The following TUBGCP6 variants were observed in gnomAD, a reference collection of about 807,000 sequenced individuals.
TUBGCP6 encodes the protein tubulin gamma complex component 6, also known as gamma-tubulin complex component 6.
A neutral mutation model predicts 175.8 loss-of-function variants in TUBGCP6; 161 were observed. The ratio of observed to expected loss-of-function variants is 0.92; its 90% CI spans 0.81 to 1.04. TUBGCP6 has a LOEUF of 1.04. TUBGCP6 is among the 50% of genes least tolerant of loss of function. TUBGCP6 has a pLI of 0.00. For missense variants in TUBGCP6, 2,572 were observed against 2,433.0 expected (o/e 1.06, Z -1.20); for synonymous variants, 1,173 against 1,030.5 (o/e 1.14, Z -2.65).
At chr22:50,242,699 C>T (rs2064855137) in intron 1 of TUBGCP6, among the ~76,000 whole-genome samples, 1 of 152,224 alleles carries the variant, frequency 6.6e-6, no homozygotes, top group Non-Finnish European at 1.5e-5. Context: ...ACAGCAAAAA[C>T]ATATCCAATT....
At chr22:50,238,155 G>GAGAC (rs879569180) in intron 2 of TUBGCP6, among the ~76,000 whole-genome samples, 2 of 149,728 alleles carry the variant, frequency 1.3e-5, no homozygotes, top group African/African-American at 5.0e-5. Flanking sequence ...GAGAGAGAGA[G>GAGAC]AGACAGACAG....
chr22:50,220,708 A>T lies in TUBGCP6; in HGVS notation c.3651T>A (p.His1217Gln), dbSNP rs148914897. The T allele has an allele frequency of 6.3e-7, 1 of 1,592,818 alleles. No individual in the cohort carries two copies. The highest frequency in any genetic ancestry group is 2.3e-5 in the East Asian group (1 of 43,752). ...CAACCCTGATGCTGGTGTCAGACAC[A>T]TGTCCGTGGGTGTTCCACCGTGGCC... ...PTRPRWNTHG[H>Q]VSDTSIRVGE... Residue 1217 changes from histidine (H) to glutamine (Q), a missense_variant, in exon 16 of 25, where the codon CAT becomes CAA. By Grantham distance (24) the His-to-Gln change is conservative. Transcript: ENST00000248846.
chr22:50,241,138 A>G (rs758061389), intron 1 of TUBGCP6, among the ~76,000 whole-genome samples: 6 of 152,372 alleles, frequency 3.9e-5, no homozygotes, highest in East Asian at 1.9e-4. Flanking sequence ...ATTGCTCTTT[A>G]TTCCAAGATT....
At chr22:50,224,459 G>A (rs749497931) in intron 11 of TUBGCP6, 39 bp from the exon 12 acceptor site, 1 of 1,614,112 alleles carries the variant, frequency 6.2e-7, no homozygotes, top group Middle Eastern at 1.6e-4. Flanking sequence ...TCACAAGGAG[G>A]CCCCAGCAAG....
chr22:50,230,920 A>C (rs1028195111), intron 3 of TUBGCP6, among the ~76,000 whole-genome samples: 1 of 150,932 alleles, frequency 6.6e-6, no homozygotes, highest in East Asian at 2.0e-4. Flanking sequence ...CCCATCTCTA[A>C]TAAAAACAAA....
At chr22:50,228,573 G>A (rs537412356) in intron 4 of TUBGCP6, among the ~76,000 whole-genome samples, 34 of 152,198 alleles carry the variant, frequency 2.2e-4, no homozygotes, top group Non-Finnish European at 3.4e-4. Flanking sequence ...CCCAGGAGCC[G>A]CCTGGCTATG....
At chr22:50,232,993 G>A (rs574893938) in intron 3 of TUBGCP6, among the ~76,000 whole-genome samples, 45 of 152,350 alleles carry the variant, frequency 3.0e-4, no homozygotes, top group Non-Finnish European at 5.0e-4. Flanking sequence ...TGCTCCTCCC[G>A]AGCGGTGGGA....
chr22:50,238,711 G>A (rs1013912565), intron 2 of TUBGCP6, among the ~76,000 whole-genome samples: 1 of 151,784 alleles, frequency 6.6e-6, no homozygotes, highest in African/African-American at 2.4e-5. Context: ...CTAATTTTTT[G>A]TATTTTTAGT....
In TUBGCP6 at chr22:50,219,985, A is replaced by AGG. The variant is rs747082138; in HGVS notation, c.4137_4138dup (p.Leu1380ProfsTer96). 6.2e-7 allele frequency: 1 copy of AGG among 1,613,954 alleles called. No individual in the cohort carries two copies. The highest frequency in any genetic ancestry group is 2.2e-5 in the East Asian group (1 of 44,862). On this transcript the variant is annotated frameshift_variant, in exon 17 of 25. Transcript: ENST00000248846. LOFTEE classifies it high-confidence loss of function. ...TGAGTTGAGAGGCCAATTTGGAGAG[A>AGG]GGTCCTCAGTGTCCCCGCTCCTCCC...
chr22:50,236,173 T>C lies in TUBGCP6; in HGVS notation c.906-2647A>G, dbSNP rs2147207302. Among the ~76,000 whole-genome samples, 2 of 152,016 alleles carry C rather than the reference T, an allele frequency of 1.3e-5. 1 individual carries two copies. The highest frequency in any genetic ancestry group is 4.8e-5 in the African/African-American group (2 of 41,474). ...TTTTTTGAGACGGAGTCTCGCTCTGTCACCCAGGCTGGAGTGCAGTGGCAC... is the reference window on the plus strand; with the variant it reads ...TTTTTTGAGACGGAGTCTCGCTCTGCCACCCAGGCTGGAGTGCAGTGGCAC... On this transcript the variant is annotated intron_variant, in intron 2 of 24. Coordinates refer to ENST00000248846, the MANE Select transcript of TUBGCP6 (RefSeq NM_020461.4).
intron 14 of TUBGCP6, 87 bp downstream of exon 14, chr22:50,222,367 G>A: frequency 6.4e-7 from 1 of 1,565,280 alleles, no homozygotes; most frequent in South Asian, 1.1e-5. Context: ...TCTCCTAGAA[G>A]AGCATGTAGG....
chr22:50,220,006 C>T lies in TUBGCP6; in HGVS notation c.4118G>A (p.Arg1373Lys), dbSNP rs781501191. Residue 1373 changes from arginine to lysine, a missense_variant, in exon 17 of 25, where the codon AGG becomes AAG. Arg to Lys is a conservative substitution (Grantham distance 26). Transcript: ENST00000248846. ...AGAGAGGTCCTCAGTGTCCCCGCTC[C>T]TCCCAGGGCCTGTGTGGACACAAGT... is the stretch of plus-strand genomic sequence containing the variant. ...DSVSEELGPG[R>K]SGDTEDLSPN... The T allele has an allele frequency of 5.0e-6, 8 of 1,613,506 alleles. No individual in the cohort carries two copies. Among genetic ancestry groups the T allele is most frequent in the East Asian group, 4.5e-5 (2 of 44,880 alleles).
chr22:50,236,590 C>T (rs796545097), intron 2 of TUBGCP6, among the ~76,000 whole-genome samples: 9 of 152,280 alleles, frequency 5.9e-5, no homozygotes, highest in East Asian at 1.9e-4. Context: ...GTCCTCCCTG[C>T]GAAAACAATC....
At position 50,221,561 on chromosome 22, in the gene TUBGCP6, G is replaced by C; in HGVS notation, c.2798C>G (p.Ala933Gly). 6.3e-7 allele frequency: 1 copy of C among 1,587,246 alleles called. No individual in the cohort carries two copies. Among genetic ancestry groups the C allele is most frequent in the Non-Finnish European group, 8.6e-7 (1 of 1,164,578 alleles). ...QTINLDLPPS[A>G]PGEAPAAAST... ...GGCTGCTGCGGGTGCCTCCCCAGGAGCTGAGGGGGGCAGGTCCAAGTTAAT... is the reference window on the plus strand; with the variant it reads ...GGCTGCTGCGGGTGCCTCCCCAGGACCTGAGGGGGGCAGGTCCAAGTTAAT... The change falls in exon 16 of 25, where the codon GCT becomes GGT. Residue 933 changes from alanine (A) to glycine (G), a missense_variant. Ala to Gly is a moderately conservative substitution (Grantham distance 60, BLOSUM62 0). Transcript: ENST00000248846.
In TUBGCP6 at chr22:50,221,488, C is replaced by T. The variant is rs1170917094; in HGVS notation, c.2871G>A (p.Leu957=). 56 of 1,588,634 alleles carry T rather than the reference C, an allele frequency of 3.5e-5. No individual in the cohort carries two copies. The highest frequency in any genetic ancestry group is 4.8e-5 in the Non-Finnish European group (56 of 1,168,668). ...RPQEYDFSTV[L]RPAVATSPAP... is the part of the protein sequence containing the mutation. ...CAGGTGAGGTGGCCACAGCTGGCCT[C>T]AGGACAGTACTAAAGTCGTACTCCT... Residue 957 remains leucine, a synonymous_variant, in exon 16 of 25, where the codon CTG becomes CTA. Transcript: ENST00000248846.
chr22:50,226,705 C>CGCCGCGCCT, intron 7 of TUBGCP6, 28 bp downstream of exon 7: 2 of 1,545,186 alleles, frequency 1.3e-6, no homozygotes, highest in South Asian at 1.2e-5. Flanking sequence ...AGTGCGCGCC[C>CGCCGCGCCT]GCCGCGCCTG....
In TUBGCP6 at chr22:50,240,385, G is replaced by T; in HGVS notation, c.742-18C>A. 1 of 1,611,650 alleles carries T rather than the reference G, an allele frequency of 6.2e-7. No homozygotes were observed. Among genetic ancestry groups the T allele is most frequent in the Non-Finnish European group, 8.5e-7 (1 of 1,179,034 alleles). The stretch of plus-strand genomic sequence containing the variant: ...GGTGGGACCTGGAGACACAGGGAAG[G>T]GCAAACCGCCACTTATTGCTGTGTC... On this transcript the variant is annotated intron_variant, in intron 1 of 24. Coordinates refer to ENST00000248846, the MANE Select transcript of TUBGCP6 (RefSeq NM_020461.4).
Position 50,233,504 on chromosome 22 carries a change from G to T in TUBGCP6, c.928C>A (p.Pro310Thr), listed in dbSNP as rs775647097. 4 of 1,607,898 alleles carry T rather than the reference G, an allele frequency of 2.5e-6. No individual in the cohort carries two copies. Among genetic ancestry groups the T allele is most frequent in the South Asian group, 2.2e-5 (2 of 90,156 alleles). Reference sequence around the variant, plus strand: ...TCCCTTCCCGCCTCCGTCAGGTAAGGCTCCTCTCTGTGGCCAGGGGGGCTG... The same window carrying T: ...TCCCTTCCCGCCTCCGTCAGGTAAGTCTCCTCTCTGTGGCCAGGGGGGCTG... ...VGCPPGHREE[P>T]YLTEAGRDAF... The change falls in exon 3 of 25, where the codon CCT (proline) becomes ACT (threonine). Residue 310 changes from proline (P) to threonine (T), a missense_variant. Transcript: ENST00000248846.
intron 1 of TUBGCP6, among the ~76,000 whole-genome samples, chr22:50,242,572 C>G (rs558992336): frequency 6.6e-6 from 1 of 152,198 alleles, no homozygotes; most frequent in Non-Finnish European, 1.5e-5. Flanking sequence ...ATCTAGCTAT[C>G]GCATAAGAAT....
Sources: allele counts gnomAD v4.1 joint callset (sites outside exome capture counted in the v4.1 genomes callset), GRCh38; gene constraint gnomAD v4.1.1; transcripts MANE v1.5; gene names NCBI Gene and HGNC (gene_info 2026-07-23, HGNC 2026-07-21).